Variants in TANC1 observed in about 807,000 individuals in gnomAD.
The protein encoded by TANC1 is protein TANC1.
A neutral mutation model predicts 149.7 loss-of-function variants in TANC1; 77 were observed. The ratio of observed to expected loss-of-function variants is 0.51; its 90% CI spans 0.43 to 0.62. The LOEUF is 0.62. Among genes scored for constraint, TANC1 ranks in the 20% least tolerant of loss-of-function variants. The pLI, the probability that TANC1 is intolerant of heterozygous loss-of-function variation, is 0.00. For missense variants in TANC1, 1,985 were observed against 2,321.8 expected (o/e 0.85, Z 2.98); for synonymous variants, 854 against 925.0 (o/e 0.92, Z 1.39).
chr2:159,195,787 C>G (rs10187095), intron 17 of TANC1, among the ~76,000 whole-genome samples: 7 of 152,168 alleles, frequency 4.6e-5, no homozygotes, highest in Admixed American at 4.6e-4. Flanking sequence ...GGCCTCCCCC[C>G]ATCACAGCTG....
chr2:159,042,117 C>A (rs903794513), intron 2 of TANC1, among the ~76,000 whole-genome samples: 1 of 152,150 alleles, frequency 6.6e-6, no homozygotes, highest in African/African-American at 2.4e-5. Flanking sequence ...TCCTATTCTC[C>A]GTTCTCATCT....
chr2:159,202,096 G>A (rs2058288911), intron 19 of TANC1, among the ~76,000 whole-genome samples: 1 of 152,190 alleles, frequency 6.6e-6, no homozygotes, highest in Non-Finnish European at 1.5e-5. Context: ...GTTGCTGATT[G>A]GAAGCATTGG....
chr2:159,120,757 C>G (rs780221946), intron 4 of TANC1, among the ~76,000 whole-genome samples: 31 of 152,132 alleles, frequency 2.0e-4, no homozygotes, highest in Non-Finnish European at 3.5e-4. Flanking sequence ...CAGGCACACA[C>G]CACAACTAAT....
chr2:159,186,834 G>A (rs1337289591), intron 15 of TANC1, 68 bp from the exon 16 acceptor site: 1 of 1,603,328 alleles, frequency 6.2e-7, no homozygotes, highest in East Asian at 2.2e-5. Flanking sequence ...TGACCCTGCA[G>A]GTGGGAAGGA....
At position 159,005,263 on chromosome 2, in the gene TANC1, C is replaced by T. The variant is rs13425081; in HGVS notation, c.-16+4074C>T. ...ATGGTCAGATTTGGGGGCCTGTTCC[C>T]AACAATATTGACCATGGTTTTAGAG... On this transcript the variant is annotated intron_variant, in intron 2 of 26. Coordinates refer to ENST00000263635, the MANE Select transcript of TANC1 (RefSeq NM_033394.3). Among the ~76,000 whole-genome samples, 633 of 152,222 alleles carry T rather than the reference C, an allele frequency of 4.2e-3. 2 individuals carry two copies. The highest frequency in any genetic ancestry group is 0.015 in the African/African-American group (614 of 41,508).
At chr2:159,198,232 C>T (rs1484744467) in intron 18 of TANC1, among the ~76,000 whole-genome samples, 1 of 152,180 alleles carries the variant, frequency 6.6e-6, no homozygotes, top group African/African-American at 2.4e-5. Flanking sequence ...CGCCCCATTT[C>T]AACATTCATA....
chr2:159,176,441 T>C lies in TANC1; in HGVS notation c.1825T>C (p.Ser609Pro), dbSNP rs1161381966. ...TAAACCTGATTATGGAGATACGCTT[T>C]CTTCATTTATTACCAAAATTATTTC... The part of the protein sequence containing the change: ...FHKPDYGDTL[S>P]SFITKIISKF... Residue 609 changes from serine to proline, a missense_variant, in exon 13 of 27, where the codon TCT becomes CCT. Physicochemically the swap from Ser to Pro is moderately conservative, Grantham distance 74. Around this residue, in one of 3 missense-constraint regions of TANC1, gnomAD observed 508 missense variants for 714.2 expected, o/e 0.71. Transcript: ENST00000263635. 2 of 1,598,046 alleles carry C rather than the reference T, an allele frequency of 1.3e-6. No homozygotes were observed. The highest frequency in any genetic ancestry group is 1.7e-6 in the Non-Finnish European group (2 of 1,171,854).
intron 1 of TANC1, among the ~76,000 whole-genome samples, chr2:158,991,893 C>T (rs544301595): frequency 1.3e-5 from 2 of 152,304 alleles, no homozygotes; most frequent in South Asian, 4.1e-4. Context: ...TTATTTCATG[C>T]TCTGACAATA....
chr2:159,050,158 A>T (rs1461461732), intron 2 of TANC1, among the ~76,000 whole-genome samples: 1 of 152,232 alleles, frequency 6.6e-6, no homozygotes, highest in African/African-American at 2.4e-5. Context: ...TCTAGGCTCA[A>T]GTGCAATGGC....
At position 159,210,498 on chromosome 2, in the gene TANC1, ATG is replaced by A. The variant is rs370611349; in HGVS notation, c.3245-6998_3245-6997del. Among the ~76,000 whole-genome samples, 31 of 152,272 alleles carry A rather than the reference ATG, an allele frequency of 2.0e-4. No homozygotes were observed. In the East Asian group the frequency reaches 5.8e-3, roughly 28 times the overall value. On this transcript the variant is annotated intron_variant, in intron 19 of 26. Coordinates refer to ENST00000263635, the MANE Select transcript of TANC1 (RefSeq NM_033394.3). ...GAGATTCCTGCAAACCATCCATTTTATGGTGCAAAAAGCTCTCTCACTGCTGT... is the reference window on the plus strand; with the variant it reads ...GAGATTCCTGCAAACCATCCATTTTAGTGCAAAAAGCTCTCTCACTGCTGT...
At chr2:159,057,912 C>T (rs2041970518) in intron 2 of TANC1, among the ~76,000 whole-genome samples, 1 of 152,194 alleles carries the variant, frequency 6.6e-6, no homozygotes, top group Non-Finnish European at 1.5e-5. Flanking sequence ...GGATGATATA[C>T]AGTACTAGTG....
Position 159,166,494 on chromosome 2 carries a change from A to T in TANC1, c.947-2756A>T, listed in dbSNP as rs955034904. ...TGGTGTGTGTGTGTGTGTGTGCACA[A>T]CAAGTGTATAATTAATTTCGCTGTA... On this transcript the variant is annotated intron_variant, in intron 8 of 26. Transcript: ENST00000263635. 2.6e-5 allele frequency among the ~76,000 whole-genome samples: 4 copies of T among 152,202 alleles called. No homozygotes were observed. The East Asian group carries it at 5.8e-4, about 22-fold the overall frequency.
intron 24 of TANC1, 112 bp downstream of exon 24, chr2:159,225,891 G>A (rs2059994175): frequency 1.0e-5 from 9 of 874,824 alleles, no homozygotes; most frequent in African/African-American, 3.4e-5. Flanking sequence ...TAATAGAAGT[G>A]CAAAAAGTGG....
In TANC1 at chr2:159,059,565, A is replaced by C. The variant is rs544689761; in HGVS notation, c.-15-6331A>C. On this transcript the variant is annotated intron_variant, in intron 2 of 26. Coordinates refer to ENST00000263635, the MANE Select transcript of TANC1 (RefSeq NM_033394.3). Reference sequence around the variant, plus strand: ...CAAAGGCCAATTCTTTACTTATCACAATTATTTACGGGTTGTTCTAGCCAT... The same window carrying C: ...CAAAGGCCAATTCTTTACTTATCACCATTATTTACGGGTTGTTCTAGCCAT... Among the ~76,000 whole-genome samples, 3 of 152,092 alleles carry C rather than the reference A, an allele frequency of 2.0e-5. No homozygotes were observed. In the South Asian group the frequency reaches 6.2e-4, roughly 32 times the overall value.
chr2:159,172,628 C>T (rs1419309229), intron 11 of TANC1, among the ~76,000 whole-genome samples: 1 of 152,216 alleles, frequency 6.6e-6, no homozygotes, highest in Non-Finnish European at 1.5e-5. Flanking sequence ...CAGACCTCTT[C>T]CCCTGCACTC....
At chr2:159,162,070 G>C (rs1483166247) in intron 7 of TANC1, among the ~76,000 whole-genome samples, 7 of 152,206 alleles carry the variant, frequency 4.6e-5, no homozygotes, top group Admixed American at 3.3e-4. Flanking sequence ...AAGACAGTCA[G>C]AATTGTGACA....
intron 14 of TANC1, among the ~76,000 whole-genome samples, chr2:159,181,483 G>A (rs944643427): frequency 6.6e-6 from 1 of 152,094 alleles, no homozygotes; most frequent in Non-Finnish European, 1.5e-5. Context: ...ATTTTTAGTA[G>A]AGACGGGGTT....
intron 3 of TANC1, among the ~76,000 whole-genome samples, chr2:159,074,003 G>A (rs1440841394): frequency 2.6e-5 from 4 of 152,156 alleles, no homozygotes; most frequent in Non-Finnish European, 5.9e-5. Context: ...AATGAGGGTG[G>A]CCATCAGGTG....
intron 3 of TANC1, among the ~76,000 whole-genome samples, chr2:159,077,405 A>G (rs1480522019): frequency 6.6e-6 from 1 of 152,216 alleles, no homozygotes; most frequent in Non-Finnish European, 1.5e-5. Flanking sequence ...TGGTATTAAA[A>G]CAGACACTAT....
Sources: allele counts gnomAD v4.1 joint callset (sites outside exome capture counted in the v4.1 genomes callset), GRCh38; gene constraint gnomAD v4.1.1; regional missense constraint gnomAD v4.1.1; transcripts MANE v1.5; gene names NCBI Gene and HGNC (gene_info 2026-07-23, HGNC 2026-07-21).